The following OVGP1 variants were observed in gnomAD, a reference collection of about 807,000 sequenced individuals.
OVGP1 encodes the protein oviductal glycoprotein 1.
In OVGP1, 26 loss-of-function variants were observed where a neutral mutation model predicts 48.2. That is an observed-to-expected ratio of 0.54 (90% CI 0.40 to 0.75). The LOEUF (loss-of-function observed/expected upper bound fraction) is 0.75, where lower values mean the gene tolerates loss of function less well. OVGP1 is among the 30% of genes least tolerant of loss of function. The pLI is 0.00. For missense variants in OVGP1, 791 were observed against 820.6 expected, an observed-to-expected ratio of 0.96 and a Z score of 0.44; for synonymous variants, 294 against 305.7, an observed-to-expected ratio of 0.96 and a Z score of 0.40.
At chr1:111,417,250 T>C (rs1380927990) in intron 9 of OVGP1, among the ~76,000 whole-genome samples, 1 of 152,216 alleles carries the variant, frequency 6.6e-6, no homozygotes, top group Middle Eastern at 3.2e-3. Context: ...CATTTCCTTA[T>C]CTCACCGTGA....
Position 111,425,382 on chromosome 1 carries a change from C to T in OVGP1, c.317+1G>A. On this transcript the variant is annotated splice_donor_variant, in intron 4 of 10. Coordinates refer to ENST00000369732, the MANE Select transcript of OVGP1 (RefSeq NM_002557.4). LOFTEE classifies it high-confidence loss of function. ...AGAAGAGAATAACAGCAAAGTCTCA[C>T]CTTGAGGTGCCAAAGTTCCACCCGC... 6.2e-7 allele frequency: 1 copy of T among 1,613,804 alleles called. No homozygotes were observed. Among genetic ancestry groups the T allele is most frequent in the African/African-American group, 1.3e-5 (1 of 75,036 alleles).
chr1:111,426,845 T>C (rs1312627168), intron 2 of OVGP1: 3 of 1,548,100 alleles, frequency 1.9e-6, no homozygotes, highest in East Asian at 4.9e-5. Flanking sequence ...CAATGCCTTG[T>C]GAAATCCTGG....
intron 6 of OVGP1, among the ~76,000 whole-genome samples, chr1:111,422,264 C>T (rs1460690455): frequency 6.6e-6 from 1 of 152,140 alleles, no homozygotes; most frequent in Admixed American, 6.5e-5. Context: ...AACACTAACA[C>T]ACTCCATGTC....
intron 9 of OVGP1, among the ~76,000 whole-genome samples, chr1:111,417,997 G>C (rs1454607973): frequency 1.3e-5 from 2 of 152,212 alleles, no homozygotes; most frequent in African/African-American, 4.8e-5. Flanking sequence ...GGCTCTGGGG[G>C]AAAGAGGAAA....
intron 9 of OVGP1, among the ~76,000 whole-genome samples, chr1:111,416,895 G>A (rs1385223957): frequency 6.6e-6 from 1 of 152,202 alleles, no homozygotes; most frequent in Non-Finnish European, 1.5e-5. Flanking sequence ...ACGTGGGAAG[G>A]AGGAAGGGGA....
In OVGP1 at chr1:111,415,127, TAC is replaced by T. The variant is rs779682083; in HGVS notation, c.1372_1373del (p.Val458IlefsTer14). The T allele has an allele frequency of 6.2e-7, 1 of 1,614,170 alleles. No individual in the cohort carries two copies. Among genetic ancestry groups the T allele is most frequent in the Non-Finnish European group, 8.5e-7 (1 of 1,180,006 alleles). On this transcript the variant is annotated frameshift_variant, in exon 11 of 11. Transcript: ENST00000369732. LOFTEE classifies it low-confidence loss of function (END_TRUNC). The part of the protein sequence containing the change: ...GTTVTPTKET[V>X]SLGKHTVALG... ...GAGCTACAGTGTGCTTTCCAAGGGA[TAC>T]AGTTTCCTTTGTAGGGGTCACAGTT...
At chr1:111,417,326 C>T (rs1345591001) in intron 9 of OVGP1, among the ~76,000 whole-genome samples, 4 of 152,212 alleles carry the variant, frequency 2.6e-5, no homozygotes, top group Admixed American at 2.6e-4. Flanking sequence ...TAAAGGCTTT[C>T]ATCCACACTT....
Position 111,414,554 on chromosome 1 carries a change from A to G in OVGP1, c.1947T>C (p.His649=). 2.5e-6 allele frequency: 4 copies of G among 1,614,068 alleles called. No individual in the cohort carries two copies. The highest frequency in any genetic ancestry group is 3.4e-6 in the Non-Finnish European group (4 of 1,179,934). Residue 649 remains histidine (H), a synonymous_variant, in exon 11 of 11, where the codon CAT becomes CAC. Transcript: ENST00000369732. ...DNRFVPIYGN[H]SSVNSVTPQT... ...GAGGGGTTACTGAGTTGACAGAGGA[A>G]TGGTTTCCATAGATGGGAACAAAGC...
intron 8 of OVGP1, among the ~76,000 whole-genome samples, chr1:111,420,572 AT>A (rs747314748): frequency 4.6e-5 from 7 of 152,082 alleles, no homozygotes; most frequent in Admixed American, 2.0e-4. Flanking sequence ...GTCCATCAGG[AT>A]TTTCCTGTGC....
chr1:111,427,675 T>C, intron 1 of OVGP1, 22 bp downstream of exon 1: 1 of 1,612,664 alleles, frequency 6.2e-7, no homozygotes, highest in African/African-American at 1.3e-5. Context: ...TGAGTGACAC[T>C]GCTGGGACCT....
chr1:111,416,852 A>G (rs990006756), intron 9 of OVGP1, among the ~76,000 whole-genome samples: 4 of 152,212 alleles, frequency 2.6e-5, no homozygotes, highest in Non-Finnish European at 5.9e-5. Flanking sequence ...TCAAATTCAC[A>G]GAAACAGAAA....
At chr1:111,416,227 G>C in intron 10 of OVGP1, 96 bp downstream of exon 10, 12 of 1,293,186 alleles carry the variant, frequency 9.3e-6, no homozygotes, top group Non-Finnish European at 1.2e-5. Flanking sequence ...TCAATGTCAT[G>C]TTGCCTCACC....
chr1:111,425,862 A>G (rs1415228952), intron 3 of OVGP1, among the ~76,000 whole-genome samples: 5 of 152,240 alleles, frequency 3.3e-5, no homozygotes, highest in Non-Finnish European at 7.3e-5. Flanking sequence ...TTTATAATCT[A>G]GTGGCATAGA....
Position 111,421,565 on chromosome 1 carries a change from C to G in OVGP1, c.717G>C (p.Ser239=). 6.2e-7 allele frequency: 1 copy of G among 1,611,410 alleles called. No individual in the cohort carries two copies. Residue 239 remains serine (S), a splice_region_variant and synonymous_variant, in exon 7 of 11, where the codon TCG becomes TCC. Transcript: ENST00000369732. ...LFSLPEDPKS[S]AYAMNYWRKL... is the part of the protein sequence containing the mutation. Reference sequence around the variant, plus strand: ...CACCTGAGATCTTTCCTTTCCTTACCGAAGATTTGGGGTCTTCAGGCAGAG... The same window carrying G: ...CACCTGAGATCTTTCCTTTCCTTACGGAAGATTTGGGGTCTTCAGGCAGAG...
rs1652134197 is a variant in OVGP1, at chr1:111,416,321, A to C, written c.1156+2T>G. On this transcript the variant is annotated splice_donor_variant, in intron 10 of 10. Coordinates refer to ENST00000369732, the MANE Select transcript of OVGP1 (RefSeq NM_002557.4). LOFTEE classifies it high-confidence loss of function. ...CCCAGCTTCTAGGTCACAGCTACTTACCAGCCCGCACCAGGATATCATTCA... is the reference window on the plus strand; with the variant it reads ...CCCAGCTTCTAGGTCACAGCTACTTCCCAGCCCGCACCAGGATATCATTCA... 3 of 1,578,202 alleles carry C rather than the reference A, an allele frequency of 1.9e-6. No individual in the cohort carries two copies. The highest frequency in any genetic ancestry group is 3.5e-5 in the Admixed American group (2 of 56,792).
intron 9 of OVGP1, 111 bp from the exon 10 acceptor site, chr1:111,416,569 G>C: frequency 3.4e-6 from 3 of 894,858 alleles, no homozygotes; most frequent in Non-Finnish European, 4.9e-6. Context: ...GGGTGGTTAG[G>C]AGTGTAGCCA....
intron 1 of OVGP1, 33 bp from the exon 2 acceptor site, chr1:111,427,124 A>C (rs1228006399): frequency 6.2e-7 from 1 of 1,613,844 alleles, no homozygotes; most frequent in Non-Finnish European, 8.5e-7. Flanking sequence ...TCACACAGAG[A>C]TTCATACCCT....
chr1:111,424,875 CA>C (rs1652359165), intron 4 of OVGP1, among the ~76,000 whole-genome samples: 3 of 152,366 alleles, frequency 2.0e-5, no homozygotes, highest in Middle Eastern at 3.4e-3. Flanking sequence ...TTGTAATCTC[CA>C]CGTTGTCTCA....
Position 111,422,972 on chromosome 1 carries a change from A to G in OVGP1, c.563T>C (p.Val188Ala). 1 of 1,614,108 alleles carries G rather than the reference A, an allele frequency of 6.2e-7. No homozygotes were observed. Among genetic ancestry groups the G allele is most frequent in the Non-Finnish European group, 8.5e-7 (1 of 1,180,018 alleles). ...ATAGGATGTTTGGACGATGTGTGGG[A>G]CCCCAGAAACAGCAGCAGACAGCAG... The part of the protein sequence containing the change: ...RLLLSAAVSG[V>A]PHIVQTSYDV... Residue 188 changes from valine to alanine, a missense_variant, in exon 6 of 11, where the codon GTC becomes GCC. By Grantham distance (64) the Val-to-Ala change is moderately conservative (BLOSUM62 0). Transcript: ENST00000369732.
Sources: gnomAD v4.1 joint callset for allele counts (sites outside exome capture counted in the v4.1 genomes callset) on GRCh38, gnomAD v4.1.1 for gene constraint, MANE v1.5 for transcripts, NCBI Gene and HGNC (gene_info 2026-07-23, HGNC 2026-07-21) for gene names.